Variants in TMEM132B observed in about 807,000 individuals in gnomAD.
TMEM132B encodes transmembrane protein 132B.
A neutral mutation model predicts 90.8 loss-of-function variants in TMEM132B; 18 were observed. That is an observed-to-expected ratio of 0.20 (90% CI 0.14 to 0.29). The LOEUF (loss-of-function observed/expected upper bound fraction) is 0.29. Among genes scored for constraint, TMEM132B ranks in the 10% least tolerant of loss-of-function variants. The probability of loss-of-function intolerance (pLI) is 1.00; values close to 1 mark genes in which losing one functional copy is unlikely to be tolerated. For missense variants in TMEM132B, 1,096 were observed against 1,326.8 expected (o/e 0.83, Z 2.70); for synonymous variants, 504 against 523.3 (o/e 0.96, Z 0.50).
intron 2 of TMEM132B, among the ~76,000 whole-genome samples, chr12:125,372,592 C>T (rs1264426005): frequency 6.6e-6 from 1 of 152,140 alleles, no homozygotes; most frequent in African/African-American, 2.4e-5. Flanking sequence ...TAAGGACACC[C>T]ATTTTGCACT....
At chr12:125,373,142 C>T (rs1361067322) in intron 2 of TMEM132B, among the ~76,000 whole-genome samples, 1 of 152,214 alleles carries the variant, frequency 6.6e-6, no homozygotes, top group Non-Finnish European at 1.5e-5. Context: ...AGGTCAGCTC[C>T]ATGCGGGCAG....
chr12:125,263,173 T>A (rs1874607564), intron 1 of TMEM132B, among the ~76,000 whole-genome samples: 1 of 152,358 alleles, frequency 6.6e-6, no homozygotes, highest in African/African-American at 2.4e-5. Flanking sequence ...CTCCTGACTT[T>A]GAGGTCAGAT....
intron 4 of TMEM132B, among the ~76,000 whole-genome samples, chr12:125,553,863 G>A (rs547914669): frequency 1.3e-5 from 2 of 152,156 alleles, no homozygotes; most frequent in South Asian, 4.2e-4. Flanking sequence ...TTAAGTACAG[G>A]TGTCCTTGGC....
At position 125,488,608 on chromosome 12, in the gene TMEM132B, T is replaced by C. The variant is rs747656204; in HGVS notation, c.1107-30831T>C. Among the ~76,000 whole-genome samples, 73 of 152,210 alleles carry C rather than the reference T, an allele frequency of 4.8e-4. 1 individual carries two copies. Among genetic ancestry groups the C allele is most frequent in the Admixed American group, 5.9e-4 (9 of 15,280 alleles). ...CCATGTAAGACATGACTTGCTCCTC[T>C]TTGCCTCCTGCCATGATTGTGAGGC... On this transcript the variant is annotated intron_variant, in intron 3 of 8. Coordinates refer to ENST00000682704, the MANE Select transcript of TMEM132B (RefSeq NM_001366854.1).
At chr12:125,254,650 G>C (rs906739963) in intron 1 of TMEM132B, among the ~76,000 whole-genome samples, 11 of 151,118 alleles carry the variant, frequency 7.3e-5, no homozygotes, top group Non-Finnish European at 1.6e-4. Flanking sequence ...TCTCTCCTGG[G>C]ACTTAGGAAT....
chr12:125,494,338 A>G, intron 3 of TMEM132B, among the ~76,000 whole-genome samples: 1 of 119,690 alleles, frequency 8.4e-6, no homozygotes, highest in African/African-American at 3.3e-5. Flanking sequence ...CTCACTGGAA[A>G]AGGATGCGTC....
At chr12:125,551,589 CT>C (rs76556540) in intron 4 of TMEM132B, among the ~76,000 whole-genome samples, 367 of 143,820 alleles carry the variant, frequency 2.6e-3, no homozygotes, top group African/African-American at 3.0e-3. Flanking sequence ...CCACATCTAT[CT>C]TTTTTTTTTT....
chr12:125,591,621 T>C (rs1287369225), intron 5 of TMEM132B, among the ~76,000 whole-genome samples: 2 of 152,208 alleles, frequency 1.3e-5, no homozygotes, highest in African/African-American at 2.4e-5. Context: ...ATTTGTCCTT[T>C]CGCAGTTCTG....
At chr12:125,583,432 A>G (rs542601333) in intron 4 of TMEM132B, among the ~76,000 whole-genome samples, 1 of 152,268 alleles carries the variant, frequency 6.6e-6, no homozygotes, top group South Asian at 2.1e-4. Context: ...TAAAATCACA[A>G]TGAAGTCTAT....
intron 5 of TMEM132B, among the ~76,000 whole-genome samples, chr12:125,588,678 G>T (rs559423969): frequency 6.6e-6 from 1 of 152,222 alleles, no homozygotes; most frequent in African/African-American, 2.4e-5. Flanking sequence ...TTAAAAAAAT[G>T]TTTTCCTGGC....
intron 4 of TMEM132B, among the ~76,000 whole-genome samples, chr12:125,527,440 T>TCACCC (rs1883514171): frequency 3.9e-5 from 2 of 50,718 alleles, no homozygotes; most frequent in African/African-American, 2.0e-4. Flanking sequence ...ATCCACCTAT[T>TCACCC]TACCCTTCCA....
chr12:125,569,709 C>A (rs1884744244), intron 4 of TMEM132B, among the ~76,000 whole-genome samples: 1 of 152,074 alleles, frequency 6.6e-6, no homozygotes, highest in African/African-American at 2.4e-5. Context: ...GAGCGGGGCA[C>A]AAGGAATGAA....
chr12:125,425,020 G>A (rs1219264699), intron 3 of TMEM132B, among the ~76,000 whole-genome samples: 1 of 152,070 alleles, frequency 6.6e-6, no homozygotes, highest in Admixed American at 6.5e-5. Context: ...ATTGGGATAT[G>A]CGAGTCCAGC....
intron 1 of TMEM132B, among the ~76,000 whole-genome samples, chr12:125,275,373 A>T (rs1248736559): frequency 6.6e-6 from 1 of 152,082 alleles, no homozygotes; most frequent in Non-Finnish European, 1.5e-5. Flanking sequence ...TTCTTTCAGG[A>T]AGTTATTGGT....
chr12:125,271,971 A>G (rs1380975623), intron 1 of TMEM132B, among the ~76,000 whole-genome samples: 1 of 152,224 alleles, frequency 6.6e-6, no homozygotes. Flanking sequence ...AACCTTCAAA[A>G]TAAAGACAAT....
intron 1 of TMEM132B, among the ~76,000 whole-genome samples, chr12:125,225,409 C>T (rs1873656097): frequency 6.6e-6 from 1 of 152,216 alleles, no homozygotes; most frequent in Admixed American, 6.5e-5. Flanking sequence ...AGATCAGGTC[C>T]CTGTGTGACA....
intron 2 of TMEM132B, among the ~76,000 whole-genome samples, chr12:125,367,628 G>A (rs934133491): frequency 1.3e-5 from 2 of 152,012 alleles, no homozygotes; most frequent in African/African-American, 4.8e-5. Flanking sequence ...AATAATAACT[G>A]CATTATTCTC....
At chr12:125,647,001 G>A (rs1343533091) in intron 6 of TMEM132B, among the ~76,000 whole-genome samples, 1 of 152,096 alleles carries the variant, frequency 6.6e-6, no homozygotes, top group African/African-American at 2.4e-5. Flanking sequence ...AAATATCTCA[G>A]CAAGGAAATA....
At chr12:125,650,413 G>A (rs1014983654) in intron 6 of TMEM132B, among the ~76,000 whole-genome samples, 4 of 152,202 alleles carry the variant, frequency 2.6e-5, no homozygotes, top group South Asian at 2.1e-4. Context: ...TTTCCAGGAC[G>A]CCAAGACCAG....
Sources: gnomAD v4.1 joint callset for allele counts (sites outside exome capture counted in the v4.1 genomes callset) on GRCh38, gnomAD v4.1.1 for gene constraint, MANE v1.5 for transcripts, NCBI Gene and HGNC (gene_info 2026-07-23, HGNC 2026-07-21) for gene names.